C8orf34: variants seen among roughly 807,000 people sequenced by gnomAD.
C8orf34 encodes the protein chromosome 8 open reading frame 34.
A neutral mutation model predicts 68.3 loss-of-function variants in C8orf34; 65 were observed. The observed-to-expected ratio is 0.95, with a 90% CI of 0.78 to 1.17. The LOEUF (loss-of-function observed/expected upper bound fraction) is 1.17. C8orf34 is among the 50% of genes most tolerant of loss of function. The pLI, the probability that C8orf34 is intolerant of heterozygous loss-of-function variation, is 0.00. For missense variants in C8orf34, 664 were observed against 655.4 expected, an observed-to-expected ratio of 1.01 and a Z score of -0.14; for synonymous variants, 244 against 241.2, an observed-to-expected ratio of 1.01 and a Z score of -0.11.
chr8:68,414,415 A>G (rs1356056731), intron 1 of C8orf34, among the ~76,000 whole-genome samples: 4 of 152,230 alleles, frequency 2.6e-5, no homozygotes, highest in Admixed American at 1.3e-4. Flanking sequence ...GCATATTATC[A>G]TACGAAATGA....
In C8orf34 at chr8:68,331,351, T is replaced by C. The variant is rs1240678721; in HGVS notation, c.327+12T>C. Reference sequence around the variant, plus strand: ...GTCCCCTGTTTGAGGTAAGGCGCTGTGGAGGAGGGCAGTCCCGTTGTCTTT... The same window carrying C: ...GTCCCCTGTTTGAGGTAAGGCGCTGCGGAGGAGGGCAGTCCCGTTGTCTTT... On this transcript the variant is annotated intron_variant, in intron 1 of 13. Coordinates refer to ENST00000518698, the MANE Select transcript of C8orf34 (RefSeq NM_052958.4). 1 of 1,536,066 alleles carries C rather than the reference T, an allele frequency of 6.5e-7. No individual in the cohort carries two copies. Among genetic ancestry groups the C allele is most frequent in the Non-Finnish European group, 8.7e-7 (1 of 1,146,726 alleles).
At chr8:68,571,628 T>C (rs1176591222) in intron 7 of C8orf34, among the ~76,000 whole-genome samples, 3 of 152,174 alleles carry the variant, frequency 2.0e-5, no homozygotes, top group Admixed American at 2.0e-4. Context: ...AAAATTCTTT[T>C]GGTGTGCAAG....
At chr8:68,505,732 C>T (rs1322293576) in intron 5 of C8orf34, among the ~76,000 whole-genome samples, 4 of 84,838 alleles carry the variant, frequency 4.7e-5, no homozygotes, top group South Asian at 6.0e-4. Flanking sequence ...AGCGAGACTC[C>T]GTCTCCAAAA....
intron 5 of C8orf34, among the ~76,000 whole-genome samples, chr8:68,502,151 C>T (rs1813803515): frequency 6.6e-6 from 1 of 152,048 alleles, no homozygotes; most frequent in Admixed American, 6.6e-5. Flanking sequence ...CTGTAACCTC[C>T]GCCTCCCAGG....
chr8:68,484,759 A>G (rs990930913), intron 4 of C8orf34, among the ~76,000 whole-genome samples: 1 of 151,948 alleles, frequency 6.6e-6, no homozygotes, highest in African/African-American at 2.4e-5. Flanking sequence ...AAATTCTTTC[A>G]TCTGCTTTTA....
At chr8:68,705,663 A>T (rs532772731) in intron 8 of C8orf34, among the ~76,000 whole-genome samples, 1 of 152,300 alleles carries the variant, frequency 6.6e-6, no homozygotes, top group Admixed American at 6.5e-5. Context: ...TTTGGCTCAA[A>T]GAAGATTGAA....
At chr8:68,663,868 A>G (rs1256071927) in intron 8 of C8orf34, among the ~76,000 whole-genome samples, 1 of 152,234 alleles carries the variant, frequency 6.6e-6, no homozygotes, top group East Asian at 1.9e-4. Flanking sequence ...ACTGCAAAAT[A>G]GACAATAAGT....
At chr8:68,348,537 T>C (rs544377644) in intron 1 of C8orf34, among the ~76,000 whole-genome samples, 1 of 152,280 alleles carries the variant, frequency 6.6e-6, no homozygotes, top group African/African-American at 2.4e-5. Context: ...GCATTGAATC[T>C]ATAAATTGCC....
chr8:68,757,804 CATGGTCAA>C (rs914085010), intron 10 of C8orf34, among the ~76,000 whole-genome samples: 3 of 152,062 alleles, frequency 2.0e-5, no homozygotes, highest in Non-Finnish European at 4.4e-5. Flanking sequence ...TCCAGAGACC[CATGGTCAA>C]ATCTGGCTTG....
chr8:68,429,726 A>G (rs1256541719), intron 1 of C8orf34, among the ~76,000 whole-genome samples: 2 of 152,262 alleles, frequency 1.3e-5, no homozygotes, highest in Non-Finnish European at 2.9e-5. Flanking sequence ...ATATGCACAT[A>G]TCATGGGCAA....
chr8:68,597,023 T>G (rs1433457590), intron 7 of C8orf34, among the ~76,000 whole-genome samples: 3 of 152,192 alleles, frequency 2.0e-5, no homozygotes, highest in Non-Finnish European at 4.4e-5. Flanking sequence ...ATTTTCTACT[T>G]TTTAGCTGAG....
At chr8:68,709,423 C>T (rs1311061489) in intron 9 of C8orf34, among the ~76,000 whole-genome samples, 1 of 152,198 alleles carries the variant, frequency 6.6e-6, no homozygotes, top group Non-Finnish European at 1.5e-5. Context: ...GAAAATGGAA[C>T]TGTTTCTCTG....
chr8:68,818,177 A>C (rs894858733), intron 13 of C8orf34, 62 bp from the exon 14 acceptor site: 39 of 1,560,552 alleles, frequency 2.5e-5, no homozygotes, highest in Non-Finnish European at 3.1e-5. Flanking sequence ...TTTCTTTTTA[A>C]TATGCTATAA....
intron 3 of C8orf34, among the ~76,000 whole-genome samples, chr8:68,451,292 G>T (rs899483518): frequency 6.6e-6 from 1 of 152,054 alleles, no homozygotes; most frequent in African/African-American, 2.4e-5. Context: ...TCAGCAATAA[G>T]CTTCTTTCAC....
chr8:68,768,270 A>G (rs1823237751), intron 10 of C8orf34, among the ~76,000 whole-genome samples: 1 of 152,134 alleles, frequency 6.6e-6, no homozygotes, highest in Admixed American at 6.6e-5. Flanking sequence ...TGCCAAGCTT[A>G]CATTGTATAT....
intron 8 of C8orf34, among the ~76,000 whole-genome samples, chr8:68,673,803 C>T (rs1275172673): frequency 1.3e-5 from 2 of 152,116 alleles, no homozygotes; most frequent in Non-Finnish European, 2.9e-5. Context: ...GGTAGCAAGA[C>T]AGTGGTAACC....
chr8:68,776,278 T>C, intron 10 of C8orf34, 121 bp from the exon 11 acceptor site: 1 of 724,546 alleles, frequency 1.4e-6, no homozygotes, highest in Non-Finnish European at 2.4e-6. Context: ...AAGTATCAAC[T>C]GAAAAGGTGG....
At chr8:68,682,159 C>T (rs898372408) in intron 8 of C8orf34, among the ~76,000 whole-genome samples, 7 of 151,998 alleles carry the variant, frequency 4.6e-5, no homozygotes, top group Non-Finnish European at 7.4e-5. Context: ...CTGCTGTAGA[C>T]TGTAGTACAA....
chr8:68,798,137 A>G (rs372261744), intron 12 of C8orf34, among the ~76,000 whole-genome samples: 2 of 125,174 alleles, frequency 1.6e-5, no homozygotes, highest in African/African-American at 7.0e-5. Flanking sequence ...AATTTTATTT[A>G]TTTGTTTATT....
Sources: allele counts gnomAD v4.1 joint callset (sites outside exome capture counted in the v4.1 genomes callset), GRCh38; gene constraint gnomAD v4.1.1; transcripts MANE v1.5; gene names NCBI Gene and HGNC (gene_info 2026-07-23, HGNC 2026-07-21).